TCF25: variants seen among roughly 807,000 people sequenced by gnomAD.
TCF25 encodes the protein TCF25 ribosome quality control complex subunit.
A neutral mutation model predicts 83.1 loss-of-function variants in TCF25; 41 were observed. The observed-to-expected ratio is 0.49, with a 90% confidence interval of 0.38 to 0.64. The LOEUF is 0.64. Among genes scored for constraint, TCF25 ranks in the 30% least tolerant of loss-of-function variants. TCF25 has a pLI of 0.00. For synonymous variants in TCF25, 458 were observed against 365.0 expected, an observed-to-expected ratio of 1.25 and a Z score of -2.90; for missense variants, 979 against 914.5, an observed-to-expected ratio of 1.07 and a Z score of -0.91.
At position 89,884,666 on chromosome 16, in the gene TCF25, T is replaced by C; in HGVS notation, c.429+10T>C. ...CACGGGAGAAGCATCGGTACGTGAG[T>C]TGGGCCTGGCTGTGCTCTGTCCCTC... On this transcript the variant is annotated intron_variant, in intron 3 of 17. Coordinates refer to ENST00000263346, the MANE Select transcript of TCF25 (RefSeq NM_014972.3). The C allele has an allele frequency of 1.9e-6, 3 of 1,610,538 alleles. No homozygotes were observed. The highest frequency in any genetic ancestry group is 2.2e-5 in the East Asian group (1 of 44,690).
Position 89,873,607 on chromosome 16 carries a change from G to A in TCF25, c.-61G>A, listed in dbSNP as rs2041916252. The stretch of plus-strand genomic sequence containing the variant: ...CGCGCGAAGAGTGCGCAGGCGCGCC[G>A]ACAGCCGAGTTTTCTGCGCTTCCTT... On this transcript the variant is annotated 5_prime_UTR_variant, in exon 1 of 18. Coordinates refer to ENST00000263346, the MANE Select transcript of TCF25 (RefSeq NM_014972.3). 1.4e-6 allele frequency: 2 copies of A among 1,419,532 alleles called. No homozygotes were observed. The highest frequency in any genetic ancestry group is 1.5e-5 in the South Asian group (1 of 65,958). The allele number at this position is 1,419,532 out of a possible 1,614,324, so 87.9% of individuals were successfully genotyped here.
At chr16:89,905,222 C>T in intron 14 of TCF25, 126 bp downstream of exon 14, 1 of 1,320,494 alleles carries the variant, frequency 7.6e-7, no homozygotes, top group Non-Finnish European at 1.0e-6. Flanking sequence ...TGCTGTGGGG[C>T]CTGTGTGGAG....
chr16:89,889,319 C>T (rs183564061), intron 5 of TCF25: 12 of 302,306 alleles, frequency 4.0e-5, no homozygotes, highest in Admixed American at 1.8e-4. Flanking sequence ...CTGGGACTAC[C>T]GGCACATGCC....
At chr16:89,887,759 C>G (rs757034332) in intron 5 of TCF25, 42 bp downstream of exon 5, 4 of 1,501,786 alleles carry the variant, frequency 2.7e-6, no homozygotes, top group Non-Finnish European at 3.6e-6. Flanking sequence ...CTGCTTCATT[C>G]CTTCTTAGAC....
At chr16:89,881,108 T>A (rs1316384915) in intron 1 of TCF25, among the ~76,000 whole-genome samples, 1 of 152,192 alleles carries the variant, frequency 6.6e-6, no homozygotes, top group Non-Finnish European at 1.5e-5. Flanking sequence ...CAGCGGGCGT[T>A]TAAGATGCTC....
intron 1 of TCF25, among the ~76,000 whole-genome samples, chr16:89,879,332 C>T (rs1283223026): frequency 2.0e-5 from 3 of 147,980 alleles, no homozygotes; most frequent in Admixed American, 2.0e-4. Context: ...TGTTCGTGTA[C>T]ACAGACGGGC....
intron 9 of TCF25, among the ~76,000 whole-genome samples, chr16:89,897,798 G>C (rs1597346532): frequency 6.7e-6 from 1 of 150,344 alleles, no homozygotes; most frequent in East Asian, 1.9e-4. Context: ...TCCTGTAAAT[G>C]ATAAATAATA....
intron 12 of TCF25, among the ~76,000 whole-genome samples, chr16:89,903,568 G>A (rs1597370400): frequency 6.6e-6 from 1 of 152,330 alleles, no homozygotes; most frequent in East Asian, 1.9e-4. Flanking sequence ...CACTTTCGGA[G>A]GCTGAGGCAG....
At chr16:89,885,513 TC>T (rs2042937211) in intron 3 of TCF25, among the ~76,000 whole-genome samples, 1 of 152,222 alleles carries the variant, frequency 6.6e-6, no homozygotes, top group South Asian at 2.1e-4. Flanking sequence ...TCTGACTGTG[TC>T]CTGAGACAAG....
chr16:89,893,582 T>C (rs2043594198), intron 6 of TCF25, 146 bp from the exon 7 acceptor site: 1 of 1,284,286 alleles, frequency 7.8e-7, no homozygotes, highest in Non-Finnish European at 1.1e-6. Context: ...TGTCCGGAGC[T>C]GGTGACACCC....
intron 7 of TCF25, among the ~76,000 whole-genome samples, chr16:89,894,123 G>A (rs2043639976): frequency 6.6e-6 from 1 of 152,182 alleles, no homozygotes; most frequent in Non-Finnish European, 1.5e-5. Flanking sequence ...TCGCAGTAGT[G>A]CCGTGTGATG....
intron 2 of TCF25, 106 bp downstream of exon 2, chr16:89,883,618 G>C (rs1013343575): frequency 7.2e-7 from 1 of 1,382,544 alleles, no homozygotes; most frequent in East Asian, 2.5e-5. Flanking sequence ...AATTTTCCGA[G>C]TTCCATTTTG....
rs577385066 is a variant in TCF25 at position 89,884,643 on chromosome 16, C to A, written c.416C>A (p.Thr139Lys). 13 of 1,612,794 alleles carry A rather than the reference C, an allele frequency of 8.1e-6. No individual in the cohort carries two copies. Among genetic ancestry groups the A allele is most frequent in the East Asian group, 6.7e-5 (3 of 44,850 alleles). Reference protein sequence around the residue: ...KKKQKNKKSSTGEASENGLED... With the variant: ...KKKQKNKKSSKGEASENGLED... ...AAACAGAAAAACAAGAAAAGCAGCA[C>A]GGGAGAAGCATCGGTACGTGAGTTG... Residue 139 changes from threonine (T) to lysine (K), a missense_variant, in exon 3 of 18, where the codon ACG (threonine) becomes AAG (lysine). By Grantham distance (78) the Thr-to-Lys change is moderately conservative. Coordinates refer to ENST00000263346, the MANE Select transcript of TCF25 (RefSeq NM_014972.3).
chr16:89,882,455 T>A (rs917687487), intron 1 of TCF25, among the ~76,000 whole-genome samples: 1 of 152,172 alleles, frequency 6.6e-6, no homozygotes, highest in East Asian at 1.9e-4. Flanking sequence ...GGAGGATGCT[T>A]GAACCCAGGA....
intron 15 of TCF25, 119 bp downstream of exon 15, chr16:89,906,403 C>A: frequency 1.0e-6 from 1 of 967,680 alleles, no homozygotes; most frequent in South Asian, 1.4e-5. Context: ...AGCCCAGCCC[C>A]GCCACGGCAG....
intron 1 of TCF25, 97 bp downstream of exon 1, chr16:89,873,956 C>T (rs1227632708): frequency 8.8e-6 from 12 of 1,363,188 alleles, no homozygotes; most frequent in African/African-American, 4.7e-5. Flanking sequence ...GTTGTGATGC[C>T]AGGGGTGGGA....
chr16:89,887,988 C>T (rs919379267), intron 5 of TCF25, among the ~76,000 whole-genome samples: 1 of 152,116 alleles, frequency 6.6e-6, no homozygotes, highest in East Asian at 1.9e-4. Context: ...AAAGCCATGC[C>T]GAGTGCAGTG....
intron 12 of TCF25, among the ~76,000 whole-genome samples, chr16:89,902,696 A>C (rs555412166): frequency 7.6e-6 from 1 of 131,130 alleles, no homozygotes; most frequent in Non-Finnish European, 1.8e-5. Context: ...CTCAAAAAAA[A>C]AGAAAAAAAA....
At chr16:89,899,677 G>T (rs938655905) in intron 11 of TCF25, among the ~76,000 whole-genome samples, 15 of 151,780 alleles carry the variant, frequency 9.9e-5, no homozygotes, top group Admixed American at 9.8e-4. Context: ...GCGGTGAGCC[G>T]AGATCGCGCC....
Sources: gnomAD v4.1 joint callset for allele counts (sites outside exome capture counted in the v4.1 genomes callset) on GRCh38, gnomAD v4.1.1 for gene constraint, MANE v1.5 for transcripts, NCBI Gene and HGNC (gene_info 2026-07-23, HGNC 2026-07-21) for gene names.